ACTA2: variants seen among roughly 807,000 people sequenced by gnomAD.
ACTA2 encodes the protein actin, aortic smooth muscle.
ACTA2 carries 12 observed loss-of-function variants against 39.5 expected under a neutral mutation model. The ratio of observed to expected loss-of-function variants is 0.30; its 90% CI spans 0.19 to 0.49. ACTA2 has a LOEUF of 0.49. Among genes scored for constraint, ACTA2 ranks in the 20% least tolerant of loss-of-function variants. The pLI is 0.99. For missense variants in ACTA2, 236 were observed against 498.8 expected, an observed-to-expected ratio of 0.47 and a Z score of 5.02; for synonymous variants, 158 against 180.6, an observed-to-expected ratio of 0.88 and a Z score of 1.00.
chr10:88,977,537 C>G (rs1462711234), intron 1 of ACTA2, among the ~76,000 whole-genome samples: 1 of 151,982 alleles, frequency 6.6e-6, no homozygotes, highest in Non-Finnish European at 1.5e-5. Context: ...ACAATGAACT[C>G]AAACAAATTT....
At chr10:88,943,085 A>G (rs1845885133) in intron 4 of ACTA2, among the ~76,000 whole-genome samples, 1 of 152,206 alleles carries the variant, frequency 6.6e-6, no homozygotes, top group Admixed American at 6.5e-5. Context: ...ACTTAAAGAG[A>G]CAATGAATGT....
At chr10:88,962,037 T>C (rs144178591) in intron 1 of ACTA2, among the ~76,000 whole-genome samples, 2 of 152,304 alleles carry the variant, frequency 1.3e-5, no homozygotes, top group African/African-American at 4.8e-5. Flanking sequence ...CAAATTCAGA[T>C]GCCTATTGGG....
At chr10:88,989,248 G>T (rs1847023504) in intron 1 of ACTA2, among the ~76,000 whole-genome samples, 1 of 152,084 alleles carries the variant, frequency 6.6e-6, no homozygotes, top group African/African-American at 2.4e-5. Flanking sequence ...TTTGTCAATT[G>T]TCCTTTCCCC....
exon 1 of ACTA2, chr10:88,991,095 C>T: frequency 1.4e-6 from 1 of 699,628 alleles, no homozygotes; most frequent in Non-Finnish European, 2.5e-6. Flanking sequence ...CCCTCAGGCC[C>T]GGGTGCTCAG....
chr10:88,979,031 T>C (rs1038139102), intron 1 of ACTA2, among the ~76,000 whole-genome samples: 1 of 152,196 alleles, frequency 6.6e-6, no homozygotes, highest in African/African-American at 2.4e-5. Context: ...TCTGTTAATA[T>C]TTGTTTTATA....
chr10:88,957,920 A>G (rs1192532096), intron 1 of ACTA2, among the ~76,000 whole-genome samples: 2 of 151,976 alleles, frequency 1.3e-5, no homozygotes, highest in Non-Finnish European at 2.9e-5. Context: ...GGCACCTGCC[A>G]CTGTGCCTGG....
rs1190255154 is a variant in ACTA2, at chr10:88,990,979, G to A, written c.-64C>T. 3.7e-6 allele frequency: 6 copies of A among 1,606,398 alleles called. No homozygotes were observed. Among genetic ancestry groups the A allele is most frequent in the Non-Finnish European group, 5.1e-6 (6 of 1,173,662 alleles). Reference sequence around the variant, plus strand: ...GGGATAGGCAAAGTGGGGCGGGCGCGGGACGCGTGCGGGATTGCGGCGGCA... The same window carrying A: ...GGGATAGGCAAAGTGGGGCGGGCGCAGGACGCGTGCGGGATTGCGGCGGCA... On this transcript the variant is annotated 5_prime_UTR_variant, in exon 1 of 5. Transcript: ENST00000415557. The surrounding 1 kb of genome is among the most constrained non-coding windows in gnomAD (Gnocchi z 4.9).
Position 88,967,932 on chromosome 10 carries a change from GT to G in ACTA2, c.-23-18980del, listed in dbSNP as rs146733153. Among the ~76,000 whole-genome samples, 1,178 of 152,162 alleles carry G rather than the reference GT, an allele frequency of 7.7e-3. 12 individuals carry two copies. The highest frequency in any genetic ancestry group is 0.027 in the African/African-American group (1,101 of 41,504). ...TGAATGATATCTCAAGAGTTTGTTA[GT>G]ATGATTATCATACTTCAAGTTTATG... is the stretch of plus-strand genomic sequence containing the variant. On this transcript the variant is annotated intron_variant, in intron 1 of 4. Transcript: ENST00000415557.
intron 1 of ACTA2, among the ~76,000 whole-genome samples, chr10:88,967,925 T>G (rs1045426680): frequency 4.6e-5 from 7 of 152,088 alleles, no homozygotes; most frequent in Admixed American, 3.3e-4. Flanking sequence ...ATCTCAAGAG[T>G]TTGTTAGTAT....
chr10:88,953,775 T>C (rs1846089564), upstream of ACTA2, among the ~76,000 whole-genome samples: 1 of 152,164 alleles, frequency 6.6e-6, no homozygotes, highest in Non-Finnish European at 1.5e-5. Flanking sequence ...GTTCTCACGA[T>C]ATCTGATGGT....
intron 1 of ACTA2, among the ~76,000 whole-genome samples, chr10:88,958,047 T>C: frequency 6.6e-6 from 1 of 152,168 alleles, no homozygotes; most frequent in South Asian, 2.1e-4. Context: ...ATTACAGACG[T>C]GACTCCCTAC....
upstream of ACTA2, among the ~76,000 whole-genome samples, chr10:88,956,997 C>T (rs1846148105): frequency 6.6e-6 from 1 of 152,158 alleles, no homozygotes; most frequent in Non-Finnish European, 1.5e-5. Flanking sequence ...AATTAAACAC[C>T]TCCCATTAGG....
At chr10:88,981,758 A>G (rs1846718364) in intron 1 of ACTA2, among the ~76,000 whole-genome samples, 1 of 152,162 alleles carries the variant, frequency 6.6e-6, no homozygotes, top group South Asian at 2.1e-4. Flanking sequence ...CCCAGATACT[A>G]CGTGTTTCAG....
chr10:88,982,209 T>G (rs192778867), intron 1 of ACTA2, among the ~76,000 whole-genome samples: 2 of 152,296 alleles, frequency 1.3e-5, no homozygotes. Context: ...GTGCACACAA[T>G]AAGAAGACCT....
chr10:88,965,312 G>A (rs148486427), intron 1 of ACTA2, among the ~76,000 whole-genome samples: 148 of 152,220 alleles, frequency 9.7e-4, no homozygotes, highest in African/African-American at 3.3e-3. Context: ...CAGGAATTTG[G>A]TTAAGCAACT....
In ACTA2 at chr10:88,981,222, C is replaced by T. The variant is rs568066732; in HGVS notation, c.-24+9717G>A. 6.6e-5 allele frequency among the ~76,000 whole-genome samples: 10 copies of T among 152,284 alleles called. No homozygotes were observed. In the East Asian group the frequency reaches 1.9e-3, roughly 29 times the overall value. ...GCTGTGTGCAAATTAGTTAAACTCA[C>T]CTAACCTATGTTTCTTAATCTGTAA... On this transcript the variant is annotated intron_variant, in intron 1 of 4. Coordinates refer to the ACTA2 transcript ENST00000415557.
At chr10:88,938,277 G>T in intron 7 of ACTA2, 35 bp from the exon 8 acceptor site, 1 of 1,612,716 alleles carries the variant, frequency 6.2e-7, no homozygotes. Flanking sequence ...TCCTTAAGTG[G>T]AGAGTAAAAC....
intron 1 of ACTA2, among the ~76,000 whole-genome samples, chr10:88,976,498 T>C (rs1846568020): frequency 6.6e-6 from 1 of 152,238 alleles, no homozygotes; most frequent in South Asian, 2.1e-4. Context: ...ATTTGAATAG[T>C]CCTTCCATTG....
intron 1 of ACTA2, among the ~76,000 whole-genome samples, chr10:88,984,259 G>A (rs780942082): frequency 1.4e-4 from 22 of 152,188 alleles, no homozygotes; most frequent in Non-Finnish European, 2.9e-4. Context: ...GTGCTGGAAG[G>A]AGTCAAGCTA....
Sources: gnomAD v4.1 joint callset for allele counts (sites outside exome capture counted in the v4.1 genomes callset) on GRCh38, gnomAD v4.1.1 for gene constraint, Gnocchi (gnomAD v3.1) non-coding constraint, MANE v1.5 for transcripts, NCBI Gene and HGNC (gene_info 2026-07-23, HGNC 2026-07-21) for gene names.